The following SLC25A36 variants were observed in gnomAD, a reference collection of about 807,000 sequenced individuals.
SLC25A36 encodes epididymis secretory sperm binding protein.
SLC25A36 carries 24 observed loss-of-function variants against 35.3 expected under a neutral mutation model. The observed-to-expected ratio is 0.68, with a 90% CI of 0.49 to 0.96. The LOEUF is 0.96. Ranked by LOEUF, SLC25A36 falls within the 40% of genes least tolerant of loss-of-function variation. The probability of loss-of-function intolerance (pLI) is 0.00; values close to 1 mark genes in which losing one functional copy is unlikely to be tolerated. For synonymous variants in SLC25A36, 141 were observed against 132.2 expected, an observed-to-expected ratio of 1.07 and a Z score of -0.46; for missense variants, 294 against 381.1, an observed-to-expected ratio of 0.77 and a Z score of 1.90.
rs63101963 is a variant in SLC25A36, at chr3:140,976,636, G to GA, written c.*197dup. The GA allele has an allele frequency of 0.77, 204,430 of 265,082 alleles. 72,744 individuals are homozygous for GA. The highest frequency in any genetic ancestry group is 0.9 in the African/African-American group (39,177 of 43,364). The allele number at this position is 265,082 out of a possible 1,614,324, so 16.4% of individuals were successfully genotyped here. A position where few individuals can be genotyped will look rare whatever the true frequency, so the allele number is the denominator to read the frequency against. Reference sequence around the variant, plus strand: ...ACATTACTTGGCCTTTCGGTAATGTGAAAAAAAAAAAAAACCTCAGAGCCT... The same window carrying GA: ...ACATTACTTGGCCTTTCGGTAATGTGAAAAAAAAAAAAAAACCTCAGAGCCT... On this transcript the variant is annotated 3_prime_UTR_variant, in exon 7 of 7. Transcript: ENST00000324194.
chr3:140,958,200 C>G lies in SLC25A36; in HGVS notation c.207-1263C>G, dbSNP rs554448833. Among the ~76,000 whole-genome samples the G allele has an allele frequency of 8.5e-5, 13 of 152,294 alleles. No individual in the cohort carries two copies. The East Asian group carries it at 2.3e-3, about 27-fold the overall frequency. On this transcript the variant is annotated intron_variant, in intron 2 of 6. Coordinates refer to ENST00000324194, the MANE Select transcript of SLC25A36 (RefSeq NM_001104647.3). ...CCCAACTACCTTTAAAAAGATCCCT[C>G]TTAAGCAGATAGATGTTTGAGAACT... is the stretch of plus-strand genomic sequence containing the variant.
intron 2 of SLC25A36, among the ~76,000 whole-genome samples, chr3:140,958,134 A>G (rs1934524057): frequency 1.3e-5 from 2 of 152,258 alleles, no homozygotes; most frequent in East Asian, 1.9e-4. Flanking sequence ...CATATCTGAG[A>G]AGTCTGGCTA....
At chr3:140,944,717 G>A (rs1934116725) in intron 1 of SLC25A36, among the ~76,000 whole-genome samples, 1 of 152,054 alleles carries the variant, frequency 6.6e-6, no homozygotes. Flanking sequence ...CAGCTCTTAT[G>A]ACAGATAATT....
At chr3:140,950,369 G>T (rs1259438743) in intron 1 of SLC25A36, among the ~76,000 whole-genome samples, 2 of 151,308 alleles carry the variant, frequency 1.3e-5, no homozygotes, top group African/African-American at 4.9e-5. Context: ...TCATCTGTCA[G>T]TCTTTTTTCC....
chr3:140,976,787 A>G lies in SLC25A36; in HGVS notation c.*334A>G, dbSNP rs1351098298. ...TAAACAAAGCCATCCTTAATTTTAC[A>G]TACTGTATTGTAACTATCCAAAGAT... On this transcript the variant is annotated 3_prime_UTR_variant, in exon 7 of 7. Coordinates refer to ENST00000324194, the MANE Select transcript of SLC25A36 (RefSeq NM_001104647.3). The G allele has an allele frequency of 5.4e-6, 1 of 183,516 alleles. No individual in the cohort carries two copies. Among genetic ancestry groups the G allele is most frequent in the East Asian group, 1.4e-4 (1 of 7,346 alleles). 11.4% of individuals were successfully genotyped at this position (183,516 alleles called of 1,614,324 possible). A position where few individuals can be genotyped will look rare whatever the true frequency, so the allele number is the denominator to read the frequency against.
Position 140,976,256 on chromosome 3 carries a change from A to C in SLC25A36, c.743-4A>C. ...ATGTTTAATTTTATTTCTTTCCTAC[A>C]CAGAAGTTGTAAGAACAAGACTACG... On this transcript the variant is annotated splice_polypyrimidine_tract_variant and splice_region_variant and intron_variant, in intron 6 of 6. Coordinates refer to ENST00000324194, the MANE Select transcript of SLC25A36 (RefSeq NM_001104647.3). 6.3e-7 allele frequency: 1 copy of C among 1,578,256 alleles called. No individual in the cohort carries two copies. Among genetic ancestry groups the C allele is most frequent in the Non-Finnish European group, 8.6e-7 (1 of 1,157,836 alleles).
intron 3 of SLC25A36, among the ~76,000 whole-genome samples, chr3:140,959,828 A>G (rs749080978): frequency 9.8e-5 from 15 of 152,304 alleles, no homozygotes; most frequent in Admixed American, 3.3e-4. Context: ...TACAAAGGCT[A>G]TGTTTCATAA....
intron 4 of SLC25A36, chr3:140,968,449 T>C (rs1250120388): frequency 1.0e-6 from 1 of 983,686 alleles, no homozygotes; most frequent in Non-Finnish European, 1.2e-6. Flanking sequence ...AAGATAACAT[T>C]CTCTCACTTA....
At chr3:140,958,820 A>T (rs936177704) in intron 2 of SLC25A36, among the ~76,000 whole-genome samples, 2 of 152,194 alleles carry the variant, frequency 1.3e-5, no homozygotes, top group African/African-American at 4.8e-5. Context: ...GAGTAGCATG[A>T]TCATATGAAA....
At chr3:140,952,505 C>A (rs919123431) in intron 1 of SLC25A36, among the ~76,000 whole-genome samples, 1 of 152,112 alleles carries the variant, frequency 6.6e-6, no homozygotes, top group African/African-American at 2.4e-5. Context: ...TAGTATTTAC[C>A]TTGTCTGTTG....
intron 1 of SLC25A36, among the ~76,000 whole-genome samples, chr3:140,950,761 G>A (rs1934296784): frequency 6.6e-6 from 1 of 152,138 alleles, no homozygotes; most frequent in Non-Finnish European, 1.5e-5. Context: ...AAAGATTGCA[G>A]TAGCGCATCT....
At chr3:140,942,132 G>T in intron 1 of SLC25A36, 37 bp downstream of exon 1, 7 of 842,742 alleles carry the variant, frequency 8.3e-6, no homozygotes, top group Non-Finnish European at 1.1e-5. Flanking sequence ...TGGGGCTGAG[G>T]GTGCTGGGGC....
intron 1 of SLC25A36, among the ~76,000 whole-genome samples, chr3:140,951,141 T>G (rs1398311425): frequency 1.3e-5 from 2 of 152,234 alleles, no homozygotes; most frequent in Non-Finnish European, 2.9e-5. Flanking sequence ...TACTAAGTTG[T>G]CTTTCCCATT....
chr3:140,949,925 C>G (rs953934239), intron 1 of SLC25A36, among the ~76,000 whole-genome samples: 2 of 152,226 alleles, frequency 1.3e-5, no homozygotes, highest in African/African-American at 4.8e-5. Context: ...ATCCACATCA[C>G]TGGATCAGAG....
intron 1 of SLC25A36, among the ~76,000 whole-genome samples, chr3:140,952,730 A>G (rs1001595079): frequency 1.3e-5 from 2 of 152,150 alleles, no homozygotes; most frequent in African/African-American, 4.8e-5. Context: ...TTTTCGTTGT[A>G]TAATATTTAT....
At chr3:140,956,887 T>C in intron 2 of SLC25A36, 196 bp downstream of exon 2, 1 of 928,288 alleles carries the variant, frequency 1.1e-6, no homozygotes, top group Admixed American at 4.3e-5. Flanking sequence ...AAAGTGTAAT[T>C]TTACTTCCAA....
At position 140,958,908 on chromosome 3, in the gene SLC25A36, A is replaced by G. The variant is rs1001913252; in HGVS notation, c.207-555A>G. The stretch of plus-strand genomic sequence containing the variant: ...ACAGATTTTTTAATCATTACTAGTA[A>G]ATCTATTATCAGTCTTCAACAATTT... On this transcript the variant is annotated intron_variant, in intron 2 of 6. Transcript: ENST00000324194. Among the ~76,000 whole-genome samples, 4 of 150,016 alleles carry G rather than the reference A, an allele frequency of 2.7e-5. 1 individual carries two copies. In the East Asian group the frequency reaches 7.9e-4, roughly 30 times the overall value.
At chr3:140,953,476 T>G (rs1228639076) in intron 1 of SLC25A36, among the ~76,000 whole-genome samples, 5 of 152,192 alleles carry the variant, frequency 3.3e-5, no homozygotes, top group Admixed American at 1.3e-4. Flanking sequence ...TTATTTATGA[T>G]TGAATGTTTC....
chr3:140,953,392 T>A (rs1934380771), intron 1 of SLC25A36, among the ~76,000 whole-genome samples: 1 of 142,444 alleles, frequency 7.0e-6, no homozygotes, highest in South Asian at 2.5e-4. Context: ...GTTTCGACAT[T>A]TTTTGGGGGG....
Sources: allele counts gnomAD v4.1 joint callset (sites outside exome capture counted in the v4.1 genomes callset), GRCh38; gene constraint gnomAD v4.1.1; transcripts MANE v1.5; gene names NCBI Gene and HGNC (gene_info 2026-07-23, HGNC 2026-07-21).